The following SPAG16 variants were observed in gnomAD, a reference collection of about 807,000 sequenced individuals.
The protein encoded by SPAG16 is sperm associated antigen 16, also known as sperm-associated antigen 16 protein.
SPAG16 carries 86 observed loss-of-function variants against 80.4 expected under a neutral mutation model. That is an observed-to-expected ratio of 1.07 (90% CI 0.90 to 1.28). SPAG16 has a LOEUF of 1.28. Among genes scored for constraint, SPAG16 ranks in the 50% most tolerant of loss-of-function variants. The pLI is 0.00. For missense variants in SPAG16, 870 were observed against 765.3 expected, an observed-to-expected ratio of 1.14 and a Z score of -1.61; for synonymous variants, 294 against 265.9, an observed-to-expected ratio of 1.11 and a Z score of -1.03.
chr2:213,389,648 T>A lies in SPAG16; in HGVS notation c.942+14529T>A, dbSNP rs191836089. Among the ~76,000 whole-genome samples the A allele has an allele frequency of 1.5e-3, 230 of 152,242 alleles. 1 individual carries two copies. The highest frequency in any genetic ancestry group is 5.2e-3 in the African/African-American group (218 of 41,570). On this transcript the variant is annotated intron_variant, in intron 9 of 15. Transcript: ENST00000331683. ...AAAGTACATGAAAAGATGCTTAACA[T>A]CATTAATCATTAAGGAAATACAAAT...
chr2:214,111,625 G>T (rs1369597977), intron 14 of SPAG16, among the ~76,000 whole-genome samples: 1 of 151,988 alleles, frequency 6.6e-6, no homozygotes. Flanking sequence ...CTCTTTTTTG[G>T]TTCCTGAACT....
intron 10 of SPAG16, among the ~76,000 whole-genome samples, chr2:213,556,312 C>CAAAAAAAAAA (rs35010847): frequency 2.7e-5 from 3 of 112,838 alleles, no homozygotes; most frequent in African/African-American, 3.4e-5. Context: ...AAAAAAAAAC[C>CAAAAAAAAAA]AAAAAAAAAA....
chr2:213,704,289 A>C (rs113580181), intron 10 of SPAG16, among the ~76,000 whole-genome samples: 9 of 152,346 alleles, frequency 5.9e-5, no homozygotes, highest in African/African-American at 2.2e-4. Context: ...TGTGAGAATA[A>C]TTAATAGCCA....
At chr2:214,289,196 C>G (rs575120423) in intron 15 of SPAG16, among the ~76,000 whole-genome samples, 1 of 152,298 alleles carries the variant, frequency 6.6e-6, no homozygotes, top group South Asian at 2.1e-4. Context: ...AACAGGTTGT[C>G]TCTTCACTCA....
At chr2:213,393,454 T>C (rs1001607304) in intron 9 of SPAG16, among the ~76,000 whole-genome samples, 43 of 152,046 alleles carry the variant, frequency 2.8e-4, no homozygotes, top group African/African-American at 8.7e-4. Flanking sequence ...GCTTTTTTGA[T>C]TCGATTTTTG....
intron 10 of SPAG16, among the ~76,000 whole-genome samples, chr2:213,598,328 A>G (rs1466549803): frequency 6.6e-6 from 1 of 152,170 alleles, no homozygotes; most frequent in Non-Finnish European, 1.5e-5. Flanking sequence ...TAGTTTCCAA[A>G]TACCAAAATT....
At chr2:213,341,823 GAGTGACCA>G (rs1186721512) in intron 6 of SPAG16, among the ~76,000 whole-genome samples, 5 of 152,166 alleles carry the variant, frequency 3.3e-5, no homozygotes, top group African/African-American at 1.2e-4. Flanking sequence ...TTACAGGCAT[GAGTGACCA>G]AGCCTGGCCA....
chr2:214,263,642 T>C (rs1469467274), intron 15 of SPAG16, among the ~76,000 whole-genome samples: 1 of 152,192 alleles, frequency 6.6e-6, no homozygotes, highest in Non-Finnish European at 1.5e-5. Flanking sequence ...ATCCAAGATC[T>C]TTCAGGCTTA....
chr2:213,880,284 G>A (rs1171623871), intron 11 of SPAG16, among the ~76,000 whole-genome samples: 1 of 152,162 alleles, frequency 6.6e-6, no homozygotes, highest in African/African-American at 2.4e-5. Flanking sequence ...CTTTTGAGAA[G>A]TGTCTGTTCA....
rs1702233860 is a variant in SPAG16, at chr2:214,410,451, A to G, written c.*136A>G. 1 of 784,666 alleles carries G rather than the reference A, an allele frequency of 1.3e-6. No individual in the cohort carries two copies. The highest frequency in any genetic ancestry group is 2.7e-5 in the East Asian group (1 of 37,146). The allele number at this position is 784,666 out of a possible 1,614,324, so 48.6% of individuals were successfully genotyped here. The stretch of plus-strand genomic sequence containing the variant: ...GTCTGCTTTAAAACATGCTTTGGAC[A>G]TATATTTTAGTGCTCATACTGTTAC... On this transcript the variant is annotated 3_prime_UTR_variant, in exon 16 of 16. Coordinates refer to ENST00000331683, the MANE Select transcript of SPAG16 (RefSeq NM_024532.5).
At chr2:214,153,091 G>A (rs557112920) in intron 15 of SPAG16, among the ~76,000 whole-genome samples, 1 of 152,046 alleles carries the variant, frequency 6.6e-6, no homozygotes, top group East Asian at 2.0e-4. Flanking sequence ...AACTGCCCCG[G>A]GGAAAGGGAG....
Position 214,366,471 on chromosome 2 carries a change from A to T in SPAG16, c.1721-43669A>T, listed in dbSNP as rs182566497. ...AATTTTCTTAGAGAACGATTACTCA[A>T]CGCAGTGTAAAGTGATGGTTTAAAA... On this transcript the variant is annotated intron_variant, in intron 15 of 15. Coordinates refer to ENST00000331683, the MANE Select transcript of SPAG16 (RefSeq NM_024532.5). Among the ~76,000 whole-genome samples, 88 of 152,342 alleles carry T rather than the reference A, an allele frequency of 5.8e-4. 1 individual carries two copies. The Middle Eastern group carries it at 0.01, about 18-fold the overall frequency.
chr2:214,365,983 T>A (rs891579286), intron 15 of SPAG16, among the ~76,000 whole-genome samples: 1 of 151,648 alleles, frequency 6.6e-6, no homozygotes, highest in African/African-American at 2.4e-5. Context: ...TGCCAGGTTT[T>A]TTTTTTTTTT....
At chr2:213,670,628 A>T (rs2063781863) in intron 10 of SPAG16, among the ~76,000 whole-genome samples, 1 of 152,074 alleles carries the variant, frequency 6.6e-6, no homozygotes, top group African/African-American at 2.4e-5. Flanking sequence ...ATAAAAGATA[A>T]TTTTTTCATG....
chr2:213,971,599 G>A (rs757713006), intron 12 of SPAG16, among the ~76,000 whole-genome samples: 9 of 152,060 alleles, frequency 5.9e-5, no homozygotes, highest in Admixed American at 5.9e-4. Context: ...ATCTATTTCA[G>A]AATTTTTTAT....
chr2:214,055,629 A>T (rs1053735458), intron 13 of SPAG16, among the ~76,000 whole-genome samples: 8 of 152,200 alleles, frequency 5.3e-5, no homozygotes, highest in Non-Finnish European at 1.5e-5. Context: ...AATCATTTAG[A>T]TAAACATCTG....
chr2:214,262,159 T>G (rs564491527), intron 15 of SPAG16, among the ~76,000 whole-genome samples: 206 of 152,200 alleles, frequency 1.4e-3, no homozygotes, highest in African/African-American at 4.9e-3. Flanking sequence ...AAATTTTCCC[T>G]TATTATTCCA....
intron 9 of SPAG16, among the ~76,000 whole-genome samples, chr2:213,456,270 A>G (rs1050718104): frequency 2.6e-5 from 4 of 152,194 alleles, no homozygotes; most frequent in African/African-American, 7.2e-5. Flanking sequence ...TGCATATTCA[A>G]ATGCTCCCAA....
chr2:213,639,772 CT>C, intron 10 of SPAG16, among the ~76,000 whole-genome samples: 1 of 152,212 alleles, frequency 6.6e-6, no homozygotes, highest in Middle Eastern at 3.4e-3. Context: ...GCTTCTTGTA[CT>C]TGGATGTCTA....
Sources: gnomAD v4.1 joint callset for allele counts (sites outside exome capture counted in the v4.1 genomes callset) on GRCh38, gnomAD v4.1.1 for gene constraint, MANE v1.5 for transcripts, NCBI Gene and HGNC (gene_info 2026-07-23, HGNC 2026-07-21) for gene names.